Variants in EPHA6 observed in about 807,000 individuals in gnomAD.
The protein encoded by EPHA6 is EPH receptor A6, also known as ephrin type-A receptor 6.
A neutral mutation model predicts 112.0 loss-of-function variants in EPHA6; 50 were observed. The ratio of observed to expected loss-of-function variants is 0.45; its 90% CI spans 0.36 to 0.56. The LOEUF (loss-of-function observed/expected upper bound fraction) is 0.56, where lower values mean the gene tolerates loss of function less well. Among genes scored for constraint, EPHA6 ranks in the 20% least tolerant of loss-of-function variants. EPHA6 has a pLI of 0.00. For missense variants in EPHA6, 1,280 were observed against 1,417.4 expected, an observed-to-expected ratio of 0.90 and a Z score of 1.56; for synonymous variants, 529 against 490.7, an observed-to-expected ratio of 1.08 and a Z score of -1.03.
chr3:97,137,423 A>G (rs2075793840), intron 3 of EPHA6, among the ~76,000 whole-genome samples: 3 of 152,122 alleles, frequency 2.0e-5, no homozygotes, highest in Admixed American at 2.0e-4. Flanking sequence ...AACTTGAACA[A>G]ATTACTCTGC....
intron 14 of EPHA6, among the ~76,000 whole-genome samples, chr3:97,709,009 C>G (rs563167511): frequency 3.3e-5 from 5 of 152,184 alleles, no homozygotes; most frequent in Admixed American, 1.3e-4. Context: ...TCATGGAGAA[C>G]CTCTACTAGT....
intron 4 of EPHA6, among the ~76,000 whole-genome samples, chr3:97,234,224 G>T (rs1262651121): frequency 2.0e-5 from 3 of 151,834 alleles, no homozygotes; most frequent in African/African-American, 7.3e-5. Flanking sequence ...TTTCTGTTGG[G>T]CCTAGCTGGT....
At chr3:97,672,848 A>G (rs1192743502) in intron 14 of EPHA6, among the ~76,000 whole-genome samples, 1 of 152,136 alleles carries the variant, frequency 6.6e-6, no homozygotes, top group African/African-American at 2.4e-5. Flanking sequence ...TGAACTATGT[A>G]TTTTTTCTTA....
chr3:97,087,641 G>A (rs764829447), intron 3 of EPHA6, among the ~76,000 whole-genome samples: 39 of 152,104 alleles, frequency 2.6e-4, no homozygotes, highest in Non-Finnish European at 4.0e-4. Flanking sequence ...CACATTGAAA[G>A]GGCCTTGATA....
At chr3:97,532,300 T>C (rs1344555191) in intron 10 of EPHA6, 58 bp from the exon 11 acceptor site, 3 of 1,463,360 alleles carry the variant, frequency 2.1e-6, no homozygotes, top group East Asian at 2.3e-5. Context: ...ACAGTTTGAC[T>C]CTTCTGAAAT....
At chr3:97,218,162 T>C (rs2078086217) in intron 3 of EPHA6, among the ~76,000 whole-genome samples, 1 of 151,922 alleles carries the variant, frequency 6.6e-6, no homozygotes, top group African/African-American at 2.4e-5. Flanking sequence ...TCCCAGCTAC[T>C]TGGAAGGCTG....
intron 3 of EPHA6, among the ~76,000 whole-genome samples, chr3:97,066,208 T>A (rs772413198): frequency 1.1e-3 from 174 of 152,242 alleles, no homozygotes; most frequent in Non-Finnish European, 1.8e-3. Flanking sequence ...GTGTTTCTTC[T>A]ACCATAGGCC....
chr3:96,838,429 TG>T (rs990608579), intron 1 of EPHA6, among the ~76,000 whole-genome samples: 39 of 152,214 alleles, frequency 2.6e-4, no homozygotes, highest in Non-Finnish European at 4.1e-4. Context: ...ATGGGATTGC[TG>T]GGTTGAATAG....
In EPHA6 at chr3:97,755,564, T is replaced by C. The variant is rs1005762518; in HGVS notation, c.*6863T>C. Reference sequence around the variant, plus strand: ...TATTTAGTTAGTAACAGGGTCTCCATCTCATTATCCCTCGCTGAAGTGAGA... The same window carrying C: ...TATTTAGTTAGTAACAGGGTCTCCACCTCATTATCCCTCGCTGAAGTGAGA... On this transcript the variant is annotated 3_prime_UTR_variant, in exon 18 of 18. Coordinates refer to ENST00000389672, the MANE Select transcript of EPHA6 (RefSeq NM_001080448.3). Among the ~76,000 whole-genome samples, 2 of 152,170 alleles carry C rather than the reference T, an allele frequency of 1.3e-5. No homozygotes were observed. Among genetic ancestry groups the C allele is most frequent in the East Asian group, 1.9e-4 (1 of 5,202 alleles).
intron 5 of EPHA6, among the ~76,000 whole-genome samples, chr3:97,273,852 C>A (rs894181252): frequency 6.6e-6 from 1 of 152,114 alleles, no homozygotes; most frequent in African/African-American, 2.4e-5. Context: ...GTAGGAAAGG[C>A]CTCTACCCAT....
At chr3:97,715,462 G>A (rs2034173235) in intron 14 of EPHA6, among the ~76,000 whole-genome samples, 1 of 152,256 alleles carries the variant, frequency 6.6e-6, no homozygotes. Context: ...CTCATTAATT[G>A]AGTACTATAG....
chr3:97,037,106 TA>T (rs2045129747), intron 3 of EPHA6, among the ~76,000 whole-genome samples: 3 of 152,118 alleles, frequency 2.0e-5, no homozygotes, highest in Admixed American at 2.0e-4. Context: ...AACTAGATGG[TA>T]AATTTCTTAT....
At chr3:97,275,649 G>A (rs1006843098) in intron 5 of EPHA6, among the ~76,000 whole-genome samples, 2 of 152,140 alleles carry the variant, frequency 1.3e-5, no homozygotes, top group Non-Finnish European at 2.9e-5. Context: ...GAGTTTATAG[G>A]CTTTAAAAGG....
At chr3:97,026,382 G>A (rs1301872415) in intron 3 of EPHA6, among the ~76,000 whole-genome samples, 1 of 152,066 alleles carries the variant, frequency 6.6e-6, no homozygotes, top group Non-Finnish European at 1.5e-5. Flanking sequence ...TTTACCAGTT[G>A]ATTCTTCCTA....
chr3:96,944,378 A>G lies in EPHA6; in HGVS notation c.451-42952A>G, dbSNP rs868047969. Among the ~76,000 whole-genome samples the G allele has an allele frequency of 9.7e-4, 147 of 151,960 alleles. 2 individuals carry two copies. The highest frequency in any genetic ancestry group is 3.0e-3 in the African/African-American group (124 of 41,422). On this transcript the variant is annotated intron_variant, in intron 2 of 17. Transcript: ENST00000389672. ...GCTCGTTTCTCTTCCATTGATCAGAACTTTGATTCAAGTATTATCATATAT... is the reference window on the plus strand; with the variant it reads ...GCTCGTTTCTCTTCCATTGATCAGAGCTTTGATTCAAGTATTATCATATAT...
At chr3:96,943,668 G>A (rs2041097998) in intron 2 of EPHA6, among the ~76,000 whole-genome samples, 1 of 152,174 alleles carries the variant, frequency 6.6e-6, no homozygotes, top group South Asian at 2.1e-4. Context: ...TAATAATGTA[G>A]CGTTCTTTCA....
In EPHA6 at chr3:97,397,397, G is replaced by T. The variant is rs559406832; in HGVS notation, c.1607-7753G>T. ...CAGAATCAAATGTCATATAATCCTG[G>T]ATTATTAAGAAAGAAATCATTAAAT... On this transcript the variant is annotated intron_variant, in intron 5 of 17. Transcript: ENST00000389672. 3.2e-4 allele frequency among the ~76,000 whole-genome samples: 49 copies of T among 151,610 alleles called. 1 individual carries two copies. The highest frequency in any genetic ancestry group is 1.5e-3 in the Admixed American group (22 of 15,152).
intron 3 of EPHA6, among the ~76,000 whole-genome samples, chr3:97,198,793 G>A (rs1337387628): frequency 6.6e-6 from 1 of 152,066 alleles, no homozygotes; most frequent in African/African-American, 2.4e-5. Context: ...GAACATGCTA[G>A]TGTCTGAACA....
intron 2 of EPHA6, among the ~76,000 whole-genome samples, chr3:96,986,191 G>T (rs1327543651): frequency 1.3e-5 from 2 of 152,050 alleles, no homozygotes. Context: ...AATAAATATT[G>T]ATAATATAAA....
Sources: allele counts gnomAD v4.1 joint callset (sites outside exome capture counted in the v4.1 genomes callset), GRCh38; gene constraint gnomAD v4.1.1; transcripts MANE v1.5; gene names NCBI Gene and HGNC (gene_info 2026-07-23, HGNC 2026-07-21).